FLVCR1: variants seen among roughly 807,000 people sequenced by gnomAD.
FLVCR1 encodes choline/ethanolamine transporter FLVCR1.
Under a neutral mutation model 53.6 loss-of-function variants are expected in FLVCR1, and 34 were observed. The observed-to-expected ratio is 0.63, with a 90% CI of 0.48 to 0.84. The LOEUF is 0.84. Ranked by LOEUF, FLVCR1 falls within the 40% of genes least tolerant of loss-of-function variation. The pLI is 0.00. For synonymous variants in FLVCR1, 300 were observed against 286.3 expected, an observed-to-expected ratio of 1.05 and a Z score of -0.48; for missense variants, 677 against 696.7, an observed-to-expected ratio of 0.97 and a Z score of 0.32.
intron 3 of FLVCR1, among the ~76,000 whole-genome samples, chr1:212,874,571 C>T (rs1664702597): frequency 7.1e-6 from 1 of 141,272 alleles, no homozygotes; most frequent in African/African-American, 2.6e-5. Context: ...CTCTGTCACC[C>T]AGGTTGGAGG....
rs948616072 is a variant in FLVCR1, at chr1:212,899,199, T to G, written c.*3909T>G. On this transcript the variant is annotated 3_prime_UTR_variant, in exon 10 of 10. Transcript: ENST00000366971. Reference sequence around the variant, plus strand: ...TTTGAGAATGTTGGAGAGATGTCTTTAAAAAATATGTTTGTGTGTAAAAAT... The same window carrying G: ...TTTGAGAATGTTGGAGAGATGTCTTGAAAAAATATGTTTGTGTGTAAAAAT... 2.6e-5 allele frequency: 4 copies of G among 152,232 alleles called. No homozygotes were observed. The South Asian group carries it at 8.3e-4, about 32-fold the overall frequency. 9.4% of individuals were successfully genotyped at this position (152,232 alleles called of 1,614,324 possible). A position where few individuals can be genotyped will look rare whatever the true frequency, so the allele number is the denominator to read the frequency against.
intron 3 of FLVCR1, 141 bp from the exon 4 acceptor site, chr1:212,883,230 C>T (rs964799808): frequency 1.6e-6 from 1 of 631,748 alleles, no homozygotes; most frequent in Non-Finnish European, 2.8e-6. Flanking sequence ...TTTCCTTTAT[C>T]AACTGTGTTA....
intron 2 of FLVCR1, among the ~76,000 whole-genome samples, chr1:212,865,128 C>A (rs1473690455): frequency 8.0e-6 from 1 of 124,318 alleles, no homozygotes; most frequent in Non-Finnish European, 1.9e-5. Flanking sequence ...AAAAAAAACA[C>A]CAAAATTCTT....
chr1:212,885,186 A>C (rs1665026598), intron 4 of FLVCR1, 107 bp from the exon 5 acceptor site: 7 of 810,348 alleles, frequency 8.6e-6, no homozygotes, highest in Non-Finnish European at 1.5e-5. Context: ...CTGTGTGCTT[A>C]GTTTTATCTA....
intron 8 of FLVCR1, 83 bp downstream of exon 8, chr1:212,889,340 A>G: frequency 1.2e-6 from 1 of 850,450 alleles, no homozygotes; most frequent in Middle Eastern, 2.2e-4. Context: ...GCTTGACAGA[A>G]CTCAAGGGGA....
At chr1:212,890,617 C>A (rs569807602) in intron 8 of FLVCR1, among the ~76,000 whole-genome samples, 1 of 152,160 alleles carries the variant, frequency 6.6e-6, no homozygotes, top group Non-Finnish European at 1.5e-5. Flanking sequence ...CTTGAGCATT[C>A]GTGGATTTTG....
intron 3 of FLVCR1, among the ~76,000 whole-genome samples, chr1:212,873,865 T>C (rs1402403844): frequency 2.6e-5 from 4 of 152,244 alleles, no homozygotes; most frequent in African/African-American, 9.6e-5. Flanking sequence ...GTTCCTTTTT[T>C]TTTCAGTAGA....
intron 1 of FLVCR1, among the ~76,000 whole-genome samples, chr1:212,860,088 G>C (rs1664174580): frequency 6.6e-6 from 1 of 151,818 alleles, no homozygotes; most frequent in African/African-American, 2.4e-5. Context: ...TCTGAGACCA[G>C]CCTGGCCAAC....
intron 8 of FLVCR1, among the ~76,000 whole-genome samples, chr1:212,893,366 T>G (rs1665248927): frequency 1.3e-5 from 2 of 152,178 alleles, no homozygotes; most frequent in African/African-American, 4.8e-5. Flanking sequence ...GGTTGCTTCT[T>G]ATGGATAAGC....
chr1:212,876,741 A>T (rs1444266130), intron 3 of FLVCR1, among the ~76,000 whole-genome samples: 1 of 152,130 alleles, frequency 6.6e-6, no homozygotes. Context: ...TCTATTATTG[A>T]TGGGCATTTG....
At position 212,866,372 on chromosome 1, in the gene FLVCR1, C is replaced by T. The variant is rs1004131987; in HGVS notation, c.883+2503C>T. ...CTGACCTCAAATGATCTGCCTGCCT[C>T]GGCCTCCCAAAGGGCTGGGATTACT... On this transcript the variant is annotated intron_variant, in intron 2 of 9. Coordinates refer to ENST00000366971, the MANE Select transcript of FLVCR1 (RefSeq NM_014053.4). Among the ~76,000 whole-genome samples, 8 of 152,036 alleles carry T rather than the reference C, an allele frequency of 5.3e-5. No individual in the cohort carries two copies. In the South Asian group the frequency reaches 1.0e-3, roughly 20 times the overall value.
At chr1:212,890,650 A>G (rs895298926) in intron 8 of FLVCR1, among the ~76,000 whole-genome samples, 3 of 152,310 alleles carry the variant, frequency 2.0e-5, no homozygotes, top group Admixed American at 2.0e-4. Flanking sequence ...GGGTCTTGGA[A>G]TCAATCCCCC....
chr1:212,878,847 G>T (rs932623103), intron 3 of FLVCR1, among the ~76,000 whole-genome samples: 3 of 152,082 alleles, frequency 2.0e-5, no homozygotes, highest in East Asian at 3.9e-4. Flanking sequence ...AAATTAGCCA[G>T]ACACGGTGTT....
intron 5 of FLVCR1, chr1:212,885,643 C>T (rs915715903): frequency 1.7e-5 from 6 of 357,020 alleles, no homozygotes; most frequent in African/African-American, 6.5e-5. Flanking sequence ...CTCTGTCTCC[C>T]GGCTTCACGC....
At chr1:212,887,143 A>G (rs1665084635) in intron 5 of FLVCR1, among the ~76,000 whole-genome samples, 1 of 152,230 alleles carries the variant, frequency 6.6e-6, no homozygotes, top group African/African-American at 2.4e-5. Flanking sequence ...ATTCTTCCAT[A>G]ATTTAAGACA....
rs542227547 is a variant in FLVCR1, at chr1:212,869,408, G to A, written c.884-3270G>A. Among the ~76,000 whole-genome samples the A allele has an allele frequency of 5.3e-5, 8 of 152,282 alleles. No individual in the cohort carries two copies. The South Asian group carries it at 1.2e-3, about 24-fold the overall frequency. On this transcript the variant is annotated intron_variant, in intron 2 of 9. Coordinates refer to ENST00000366971, the MANE Select transcript of FLVCR1 (RefSeq NM_014053.4). The stretch of plus-strand genomic sequence containing the variant: ...TCTTTCTTCAAGTAGACTTAAGTTC[G>A]ACTTTCCTACAACATGTAGCTGGTA...
intron 8 of FLVCR1, among the ~76,000 whole-genome samples, chr1:212,893,068 G>GTTTT (rs961875915): frequency 2.1e-4 from 14 of 67,550 alleles, no homozygotes; most frequent in Non-Finnish European, 1.3e-4. Context: ...TTTTTTTTGG[G>GTTTT]GGGGGGTGCC....
At chr1:212,893,039 G>C (rs6683314) in intron 8 of FLVCR1, among the ~76,000 whole-genome samples, 91,900 of 148,442 alleles carry the variant, frequency 0.62, 30,203 homozygotes, top group East Asian at 0.91. Context: ...AAAACCTGAA[G>C]AAATGAAGGG....
At chr1:212,862,582 A>C (rs1383187789) in intron 1 of FLVCR1, among the ~76,000 whole-genome samples, 3 of 152,212 alleles carry the variant, frequency 2.0e-5, no homozygotes, top group Non-Finnish European at 4.4e-5. Flanking sequence ...ATCTGTTGAT[A>C]AATGTTTGGG....
Sources: allele counts gnomAD v4.1 joint callset (sites outside exome capture counted in the v4.1 genomes callset), GRCh38; gene constraint gnomAD v4.1.1; transcripts MANE v1.5; gene names NCBI Gene and HGNC (gene_info 2026-07-23, HGNC 2026-07-21).